NCOR2: variants seen among roughly 807,000 people sequenced by gnomAD.
The protein encoded by NCOR2 is CTG repeat protein 26.
Under a neutral mutation model 262.9 loss-of-function variants are expected in NCOR2, and 81 were observed. The observed-to-expected ratio is 0.31, with a 90% CI of 0.26 to 0.37. The LOEUF is 0.37. NCOR2 is among the 10% of genes least tolerant of loss of function. The pLI is 1.00. For synonymous variants in NCOR2, 1,659 were observed against 1,559.3 expected (o/e 1.06, Z -1.51); for missense variants, 3,385 against 3,621.4 (o/e 0.93, Z 1.68).
chr12:124,415,843 G>T (rs540062083), intron 13 of NCOR2, among the ~76,000 whole-genome samples: 1 of 152,220 alleles, frequency 6.6e-6, no homozygotes, highest in East Asian at 1.9e-4. Context: ...CGGTGCCCCA[G>T]CCTGGCCCCA....
intron 45 of NCOR2, 59 bp downstream of exon 47, chr12:124,327,340 CGGAGGAGCGA>C (rs995874304): frequency 5.8e-6 from 7 of 1,204,924 alleles, no homozygotes; most frequent in Admixed American, 5.3e-5. Flanking sequence ...CAGAGGAGCG[CGGAGGAGCGA>C]GGATTAATCA....
In NCOR2 at chr12:124,346,545, G is replaced by A; in HGVS notation, c.4359+19C>T. 1 of 1,501,800 alleles carries A rather than the reference G, an allele frequency of 6.7e-7. No homozygotes were observed. The highest frequency in any genetic ancestry group is 8.8e-7 in the Non-Finnish European group (1 of 1,130,120). 93.0% of individuals were successfully genotyped at this position (1,501,800 alleles called of 1,614,324 possible). On this transcript the variant is annotated intron_variant, in intron 31 of 46. Transcript: ENST00000405201. ...ACCCCTCCTAGAACTGGGCCCGTGT[G>A]CCTGGCCCTGGGCCATACCTGCGTG...
intron 1 of NCOR2, among the ~76,000 whole-genome samples, chr12:124,552,609 T>TG (rs1566053829): frequency 6.6e-6 from 1 of 152,164 alleles, no homozygotes. Context: ...ACAGGCTCTG[T>TG]GGGGGCAGCA....
At chr12:124,327,805 C>G (rs1240493119) in intron 44 of NCOR2, 172 bp from the exon 47 acceptor site, 1 of 608,990 alleles carries the variant, frequency 1.6e-6, no homozygotes, top group Non-Finnish European at 2.9e-6. Flanking sequence ...ATTTCCCTAT[C>G]CCTCCCCACC....
intron 37 of NCOR2, 105 bp downstream of exon 39, chr12:124,339,901 A>ACCTCCCATATACCT: frequency 5.4e-6 from 1 of 186,870 alleles, no homozygotes; most frequent in Admixed American, 7.3e-5. Flanking sequence ...CTGCCCACCC[A>ACCTCCCATATACCT]CCCACCTCCC....
chr12:124,419,877 C>G, intron 13 of NCOR2, 80 bp downstream of exon 15: 2 of 1,280,876 alleles, frequency 1.6e-6, no homozygotes, highest in Non-Finnish European at 2.3e-6. Context: ...GCCAGCCATG[C>G]GGGGTGCTGG....
At chr12:124,367,564 G>A (rs550688995) in intron 20 of NCOR2, among the ~76,000 whole-genome samples, 1 of 152,142 alleles carries the variant, frequency 6.6e-6, no homozygotes, top group Non-Finnish European at 1.5e-5. Flanking sequence ...CTGGAGGAGC[G>A]CCACCTCCAG....
intron 38 of NCOR2, 191 bp downstream of exon 40, chr12:124,336,562 G>T (rs2035924384): frequency 1.0e-6 from 1 of 970,780 alleles, no homozygotes; most frequent in Admixed American, 6.2e-5. Flanking sequence ...AAAAAAAACG[G>T]GGGCCAAAGT....
rs376002522 is a variant in NCOR2 at position 124,426,812 on chromosome 12, C to A, written c.1150-12G>T. On this transcript the variant is annotated splice_polypyrimidine_tract_variant and intron_variant, in intron 10 of 46. Coordinates refer to ENST00000405201, the Ensembl canonical transcript of NCOR2. Reference sequence around the variant, plus strand: ...TGCTTCTCCAGGTTCTGCAGGGAAACGGAGGGCAGGGTCAGAGGCCCAGGG... The same window carrying A: ...TGCTTCTCCAGGTTCTGCAGGGAAAAGGAGGGCAGGGTCAGAGGCCCAGGG... The A allele has an allele frequency of 9.0e-6, 14 of 1,564,064 alleles. No individual in the cohort carries two copies. In the African/African-American group the frequency reaches 9.5e-5, roughly 11 times the overall value.
At chr12:124,553,820 G>A (rs1254029928) in intron 1 of NCOR2, among the ~76,000 whole-genome samples, 1 of 152,242 alleles carries the variant, frequency 6.6e-6, no homozygotes, top group Middle Eastern at 3.2e-3. Context: ...CCAGGTTGCA[G>A]AAGGCTTTGC....
At chr12:124,535,998 C>G (rs1370601402), upstream of NCOR2, among the ~76,000 whole-genome samples, 1 of 152,152 alleles carries the variant, frequency 6.6e-6, no homozygotes, top group African/African-American at 2.4e-5. Context: ...GGAGATGGGT[C>G]GACGGACACC....
intron 5 of NCOR2, among the ~76,000 whole-genome samples, chr12:124,462,725 A>G (rs1353275404): frequency 1.3e-5 from 2 of 152,160 alleles, no homozygotes; most frequent in African/African-American, 2.4e-5. Flanking sequence ...CCTACAAACA[A>G]GCATGAGGAG....
chr12:124,359,985 G>A (rs1021335980), intron 22 of NCOR2, among the ~76,000 whole-genome samples: 3 of 152,254 alleles, frequency 2.0e-5, no homozygotes, highest in African/African-American at 4.8e-5. Context: ...GGGGAATGAG[G>A]CCAGGAAACG....
At chr12:124,500,925 G>GC (rs2048673550) in intron 1 of NCOR2, among the ~76,000 whole-genome samples, 2 of 152,116 alleles carry the variant, frequency 1.3e-5, no homozygotes, top group African/African-American at 2.4e-5. Flanking sequence ...GGGGCTCTGC[G>GC]CCGCACGTGC....
At chr12:124,370,586 C>G (rs1306953878) in intron 20 of NCOR2, among the ~76,000 whole-genome samples, 3 of 152,216 alleles carry the variant, frequency 2.0e-5, no homozygotes, top group Non-Finnish European at 2.9e-5. Context: ...AACAATTCCT[C>G]CAGCCATCCA....
upstream of NCOR2, among the ~76,000 whole-genome samples, chr12:124,540,270 G>A (rs1318458986): frequency 6.7e-6 from 1 of 150,104 alleles, no homozygotes; most frequent in African/African-American, 2.5e-5. Context: ...AGACACTGGA[G>A]CCAAGCACAG....
intron 1 of NCOR2, among the ~76,000 whole-genome samples, chr12:124,507,469 C>CA (rs141189837): frequency 0.042 from 6,376 of 152,334 alleles, 421 homozygotes; most frequent in African/African-American, 0.14. Flanking sequence ...CCATAAAAGG[C>CA]AAAGTGTTGC....
chr12:124,367,676 A>G (rs567158042), intron 20 of NCOR2, among the ~76,000 whole-genome samples: 1 of 152,256 alleles, frequency 6.6e-6, no homozygotes, highest in South Asian at 2.1e-4. Context: ...TCTGTTGCCC[A>G]GGCTGGAGTG....
chr12:124,339,827 C>T (rs561275580), intron 37 of NCOR2, among the ~76,000 whole-genome samples, 179 bp downstream of exon 39: 1 of 148,736 alleles, frequency 6.7e-6, no homozygotes, highest in Admixed American at 6.7e-5. Flanking sequence ...CCCACACACC[C>T]ACCTAACCCG....
Sources: gnomAD v4.1 joint callset for allele counts (sites outside exome capture counted in the v4.1 genomes callset) on GRCh38, gnomAD v4.1.1 for gene constraint, MANE v1.5 for transcripts, NCBI Gene and HGNC (gene_info 2026-07-23, HGNC 2026-07-21) for gene names.